Variants in PRKCB observed in about 807,000 individuals in gnomAD.
The protein encoded by PRKCB is protein kinase C beta, also known as protein kinase C beta type.
Under a neutral mutation model 81.5 loss-of-function variants are expected in PRKCB, and 13 were observed. The observed-to-expected ratio is 0.16, with a 90% confidence interval of 0.10 to 0.25. The LOEUF (loss-of-function observed/expected upper bound fraction) is 0.25. PRKCB is among the 10% of genes least tolerant of loss of function. The pLI, the probability that PRKCB is intolerant of heterozygous loss-of-function variation, is 1.00. For synonymous variants in PRKCB, 335 were observed against 321.4 expected (o/e 1.04, Z -0.45); for missense variants, 509 against 875.7 (o/e 0.58, Z 5.29).
intron 2 of PRKCB, among the ~76,000 whole-genome samples, chr16:23,838,178 A>G (rs1215413778): frequency 3.9e-5 from 6 of 152,212 alleles, no homozygotes; most frequent in Non-Finnish European, 7.3e-5. Flanking sequence ...AGCTCTGTGT[A>G]GCCCTTAGGG....
intron 12 of PRKCB, among the ~76,000 whole-genome samples, chr16:24,175,971 CA>C (rs34578906): frequency 0.028 from 1,394 of 49,874 alleles, 11 homozygotes; most frequent in African/African-American, 0.072. Context: ...GACCCTGTCT[CA>C]AAAAAAAAAA....
intron 16 of PRKCB, among the ~76,000 whole-genome samples, chr16:24,201,452 G>A (rs940666310): frequency 6.6e-6 from 1 of 152,036 alleles, no homozygotes; most frequent in African/African-American, 2.4e-5. Context: ...CCCAATTTAT[G>A]TCCCATTATC....
At chr16:23,870,021 G>GAAAA (rs11406537) in intron 2 of PRKCB, among the ~76,000 whole-genome samples, 1 of 142,318 alleles carries the variant, frequency 7.0e-6, no homozygotes, top group African/African-American at 2.6e-5. Flanking sequence ...GACTCCATCT[G>GAAAA]AAAAAAAAAA....
chr16:24,203,555 TCAC>T (rs2141988343), intron 16 of PRKCB, among the ~76,000 whole-genome samples: 1 of 152,222 alleles, frequency 6.6e-6, no homozygotes, highest in South Asian at 2.1e-4. Context: ...TCAAACCATA[TCAC>T]CACATTTGCT....
At chr16:23,867,092 CTTTCTTTCTTTCT>C (rs1159859972) in intron 2 of PRKCB, among the ~76,000 whole-genome samples, 5 of 116,024 alleles carry the variant, frequency 4.3e-5, no homozygotes, top group African/African-American at 1.7e-4. Context: ...CTTTCTTTCT[CTTTCTTTCTTTCT>C]TTTCTTTCTT....
At chr16:23,958,204 G>C (rs575652064) in intron 2 of PRKCB, among the ~76,000 whole-genome samples, 87 of 152,038 alleles carry the variant, frequency 5.7e-4, no homozygotes, top group African/African-American at 2.0e-3. Context: ...GTTGGCCAGG[G>C]TGGTCTTGAA....
At chr16:23,934,593 A>G (rs1220194042) in intron 2 of PRKCB, among the ~76,000 whole-genome samples, 2 of 152,226 alleles carry the variant, frequency 1.3e-5, no homozygotes, top group African/African-American at 4.8e-5. Context: ...TACATTAATA[A>G]GTTCCATAAA....
At position 23,836,133 on chromosome 16, in the gene PRKCB, C is replaced by G; in HGVS notation, c.-43C>G. ...GGCCCGCAGCCCGCGGTCCCGCGGC[C>G]CCGGGGCCGGCACCTCTCGGGCTCC... is the stretch of plus-strand genomic sequence containing the variant. On this transcript the variant is annotated 5_prime_UTR_variant, in exon 1 of 17. Coordinates refer to ENST00000643927, the MANE Select transcript of PRKCB (RefSeq NM_002738.7). The G allele has an allele frequency of 1.6e-6, 2 of 1,281,322 alleles. No homozygotes were observed. Among genetic ancestry groups the G allele is most frequent in the South Asian group, 4.2e-5 (2 of 47,402 alleles). The allele number at this position is 1,281,322 out of a possible 1,614,324, so 79.4% of individuals were successfully genotyped here. A position where few individuals can be genotyped will look rare whatever the true frequency, so the allele number is the denominator to read the frequency against.
chr16:24,206,054 T>C (rs1156776532), intron 16 of PRKCB, among the ~76,000 whole-genome samples: 1 of 152,142 alleles, frequency 6.6e-6, no homozygotes, highest in Admixed American at 6.6e-5. Flanking sequence ...AAAACAGACT[T>C]AGTATCAAAC....
At chr16:24,203,864 C>T (rs74013164) in intron 16 of PRKCB, among the ~76,000 whole-genome samples, 5,164 of 152,106 alleles carry the variant, frequency 0.034, 266 homozygotes, top group African/African-American at 0.12. Flanking sequence ...CCAGGGTACA[C>T]GTCTTTTTCT....
chr16:23,903,244 C>T (rs990509045), intron 2 of PRKCB, among the ~76,000 whole-genome samples: 28 of 145,896 alleles, frequency 1.9e-4, no homozygotes, highest in South Asian at 8.9e-4. Flanking sequence ...GAGTAGGATC[C>T]GGAAGGGAAC....
chr16:24,070,543 A>C (rs551175150), intron 5 of PRKCB, among the ~76,000 whole-genome samples: 1 of 152,206 alleles, frequency 6.6e-6, no homozygotes, highest in Non-Finnish European at 1.5e-5. Context: ...ATAGAACAGA[A>C]TAATAATAAT....
At chr16:24,069,066 T>C (rs933085313) in intron 5 of PRKCB, among the ~76,000 whole-genome samples, 4 of 152,236 alleles carry the variant, frequency 2.6e-5, no homozygotes, top group African/African-American at 9.6e-5. Context: ...TAGCCCCATT[T>C]TTTAAACAAG....
chr16:24,172,510 G>A, intron 11 of PRKCB, 149 bp downstream of exon 11: 1 of 642,148 alleles, frequency 1.6e-6, no homozygotes, highest in Non-Finnish European at 2.7e-6. Flanking sequence ...AAGGTGTTCT[G>A]CTTAATATGA....
chr16:23,847,291 C>A (rs897767109), intron 2 of PRKCB, among the ~76,000 whole-genome samples: 4 of 152,014 alleles, frequency 2.6e-5, no homozygotes, highest in African/African-American at 9.7e-5. Flanking sequence ...TCTTCATGAC[C>A]TTTGGGTGGG....
At position 24,179,459 on chromosome 16, in the gene PRKCB, C is replaced by A. The variant is rs138636388; in HGVS notation, c.1395-1331C>A. Reference sequence around the variant, plus strand: ...TAGATCCCCCTACCTCTCAGGAAATCGGATTTCCCCATCTTCTATTAGGAC... The same window carrying A: ...TAGATCCCCCTACCTCTCAGGAAATAGGATTTCCCCATCTTCTATTAGGAC... On this transcript the variant is annotated intron_variant, in intron 12 of 16. Coordinates refer to ENST00000643927, the MANE Select transcript of PRKCB (RefSeq NM_002738.7). Among the ~76,000 whole-genome samples, 23 of 152,334 alleles carry A rather than the reference C, an allele frequency of 1.5e-4. No individual in the cohort carries two copies. The East Asian group carries it at 4.4e-3, about 29-fold the overall frequency.
In PRKCB at chr16:24,113,088, T is replaced by G; in HGVS notation, c.918+19T>G. On this transcript the variant is annotated intron_variant, in intron 8 of 16. Transcript: ENST00000643927. ...ATTTGAGGTGAGGTTTCTTTTCTTTTTCTCTTCTTTCTTTTTTCTCTTTCT... is the reference window on the plus strand; with the variant it reads ...ATTTGAGGTGAGGTTTCTTTTCTTTGTCTCTTCTTTCTTTTTTCTCTTTCT... The G allele has an allele frequency of 6.3e-7, 1 of 1,576,744 alleles. No homozygotes were observed. Among genetic ancestry groups the G allele is most frequent in the East Asian group, 2.3e-5 (1 of 44,396 alleles).
intron 5 of PRKCB, among the ~76,000 whole-genome samples, chr16:24,079,190 C>T (rs1966218489): frequency 6.6e-6 from 1 of 152,192 alleles, no homozygotes; most frequent in Non-Finnish European, 1.5e-5. Flanking sequence ...CCTATAAGAA[C>T]TAATGATAAT....
At chr16:23,931,254 CAA>C (rs1963970530) in intron 2 of PRKCB, among the ~76,000 whole-genome samples, 1 of 152,114 alleles carries the variant, frequency 6.6e-6, no homozygotes, top group East Asian at 1.9e-4. Flanking sequence ...ATGGTTGTCC[CAA>C]GATTCTGGAG....
Sources: gnomAD v4.1 joint callset for allele counts (sites outside exome capture counted in the v4.1 genomes callset) on GRCh38, gnomAD v4.1.1 for gene constraint, MANE v1.5 for transcripts, NCBI Gene and HGNC (gene_info 2026-07-23, HGNC 2026-07-21) for gene names.